BHMT: variants seen among roughly 807,000 people sequenced by gnomAD.
The protein encoded by BHMT is betaine--homocysteine S-methyltransferase, also known as betaine--homocysteine S-methyltransferase 1.
In BHMT, 38 loss-of-function variants were observed where a neutral mutation model predicts 49.5. The observed-to-expected ratio is 0.77, with a 90% CI of 0.59 to 1.01. The LOEUF is 1.01. Among genes scored for constraint, BHMT ranks in the 50% least tolerant of loss-of-function variants. The pLI, the probability that BHMT is intolerant of heterozygous loss-of-function variation, is 0.00. For synonymous variants in BHMT, 166 were observed against 176.3 expected (o/e 0.94, Z 0.46); for missense variants, 426 against 495.7 (o/e 0.86, Z 1.34).
intron 2 of BHMT, 170 bp downstream of exon 2, chr5:79,116,069 T>C: frequency 1.3e-6 from 1 of 771,228 alleles, no homozygotes; most frequent in Admixed American, 3.9e-5. Context: ...TTTTTAAAAA[T>C]TAGCTGGACA....
Position 79,126,423 on chromosome 5 carries a change from C to T in BHMT, c.808+195C>T, listed in dbSNP as rs1288592583. 3 of 556,110 alleles carry T rather than the reference C, an allele frequency of 5.4e-6. No homozygotes were observed. The African/African-American group carries it at 5.7e-5, about 11-fold the overall frequency. 34.4% of individuals were successfully genotyped at this position (556,110 alleles called of 1,614,324 possible). On this transcript the variant is annotated intron_variant, in intron 6 of 7. Coordinates refer to ENST00000274353, the MANE Select transcript of BHMT (RefSeq NM_001713.3). ...GAAGAGCAGAAGGAAAGGATGGTCC[C>T]AGCTAGCAAAAAAGATCTCTGAATT...
At chr5:79,121,879 G>A (rs1281725570) in intron 5 of BHMT, among the ~76,000 whole-genome samples, 2 of 151,292 alleles carry the variant, frequency 1.3e-5, no homozygotes, top group African/African-American at 4.9e-5. Context: ...AATGTTAATA[G>A]GGTTCTGTGG....
rs552467826 is a variant in BHMT, at chr5:79,126,011, C to T, written c.626-35C>T. Reference sequence around the variant, plus strand: ...GAGCTGGCCCTGCTGGTTTCTGGTGCATCCCTAAGTCTATCATGTTCTTCC... The same window carrying T: ...GAGCTGGCCCTGCTGGTTTCTGGTGTATCCCTAAGTCTATCATGTTCTTCC... On this transcript the variant is annotated intron_variant, in intron 5 of 7. Coordinates refer to ENST00000274353, the MANE Select transcript of BHMT (RefSeq NM_001713.3). 18 of 1,564,430 alleles carry T rather than the reference C, an allele frequency of 1.2e-5. No individual in the cohort carries two copies. In the South Asian group the frequency reaches 1.4e-4, roughly 12 times the overall value.
intron 3 of BHMT, 129 bp downstream of exon 3, chr5:79,119,506 G>A (rs544215086): frequency 9.1e-6 from 6 of 658,670 alleles, no homozygotes; most frequent in Admixed American, 3.0e-5. Context: ...AAAAATGAGA[G>A]GCGTGAATAA....
chr5:79,128,070 T>C (rs188817696), intron 7 of BHMT, 87 bp downstream of exon 7: 9 of 1,459,488 alleles, frequency 6.2e-6, no homozygotes, highest in Middle Eastern at 1.8e-4. Flanking sequence ...AAATTTGTTG[T>C]GTGATGATGA....
chr5:79,127,562 A>T (rs1756571016), intron 6 of BHMT, among the ~76,000 whole-genome samples, 193 bp from the exon 7 acceptor site: 1 of 152,160 alleles, frequency 6.6e-6, no homozygotes, highest in Non-Finnish European at 1.5e-5. Flanking sequence ...GTCATTTGGA[A>T]CCTCCTGAAG....
At position 79,121,287 on chromosome 5, in the gene BHMT, G is replaced by A. The variant is rs1410822136; in HGVS notation, c.547G>A (p.Ala183Thr). ...TLIASGKPVA[A>T]TMCIGPEGDL... is the part of the protein sequence containing the mutation. ...GATAGCATCCGGTAAACCTGTGGCA[G>A]CAACCATGTGCATTGGCCCAGAAGG... Residue 183 changes from alanine to threonine, a missense_variant, in exon 5 of 8, where the codon GCA becomes ACA. Ala to Thr is a moderately conservative substitution (Grantham distance 58). Around this residue, in one of 3 missense-constraint regions of BHMT, gnomAD observed 321 missense variants for 355.9 expected, o/e 0.90. Transcript: ENST00000274353. 1 of 1,614,126 alleles carries A rather than the reference G, an allele frequency of 6.2e-7. No individual in the cohort carries two copies. The highest frequency in any genetic ancestry group is 1.3e-5 in the African/African-American group (1 of 74,950).
rs535666974 is a variant in BHMT at position 79,115,829 on chromosome 5, A to C, written c.96A>C (p.Ala32=). 356 of 1,614,112 alleles carry C rather than the reference A, an allele frequency of 2.2e-4. 7 individuals are homozygous for C. The South Asian group carries it at 3.7e-3, about 17-fold the overall frequency. Residue 32 remains alanine (A), a synonymous_variant, in exon 2 of 8, where the codon GCA becomes GCC. Transcript: ENST00000274353. ...TTGGAGATGGAGGGTTTGTCTTTGC[A>C]CTGGAGAAGAGGGGCTACGTAAAGG... ...IVIGDGGFVF[A]LEKRGYVKAG...
Position 79,127,814 on chromosome 5 carries a change from A to C in BHMT, c.868A>C (p.Asn290His), listed in dbSNP as rs10037809. ...TCAAAAATACGCCAGAGAGGCCTAC[A>C]ACCTGGGGGTCAGGTACATTGGCGG... Reference protein sequence around the residue: ...DIQKYAREAYNLGVRYIGGCC... With the variant: ...DIQKYAREAYHLGVRYIGGCC... Residue 290 changes from asparagine (N) to histidine (H), a missense_variant, in exon 7 of 8, where the codon AAC becomes CAC. By Grantham distance (68) the Asn-to-His change is moderately conservative. This residue lies in a region of BHMT where 321 missense variants were observed against 355.9 expected (regional missense o/e 0.90). Coordinates refer to ENST00000274353, the MANE Select transcript of BHMT (RefSeq NM_001713.3). The C allele has an allele frequency of 1.2e-6, 2 of 1,614,178 alleles. No homozygotes were observed. The highest frequency in any genetic ancestry group is 1.7e-5 in the Admixed American group (1 of 60,016).
chr5:79,127,798 C>A lies in BHMT; in HGVS notation c.852C>A (p.Tyr284Ter). Residue 284 changes from tyrosine (Y) to a stop codon, truncating the protein, a stop_gained, in exon 7 of 8, where the codon TAC becomes TAA. Coordinates refer to ENST00000274353, the MANE Select transcript of BHMT (RefSeq NM_001713.3). LOFTEE classifies it high-confidence loss of function. ...CCACCAGATGGGATATTCAAAAATA[C>A]GCCAGAGAGGCCTACAACCTGGGGG... ...RVATRWDIQK[Y>*]AREAYNLGVR... 1 of 1,614,032 alleles carries A rather than the reference C, an allele frequency of 6.2e-7. No homozygotes were observed. Among genetic ancestry groups the A allele is most frequent in the Non-Finnish European group, 8.5e-7 (1 of 1,179,956 alleles).
Position 79,115,809 on chromosome 5 carries a change from G to A in BHMT, c.76G>A (p.Asp26Asn), listed in dbSNP as rs376343021. 5 of 1,613,874 alleles carry A rather than the reference G, an allele frequency of 3.1e-6. No individual in the cohort carries two copies. In the African/African-American group the frequency reaches 4.0e-5, roughly 13 times the overall value. ...RLNAGEIVIG[D>N]GGFVFALEKR... Reference sequence around the variant, plus strand: ...AAATGCTGGAGAGATTGTGATTGGAGATGGAGGGTTTGTCTTTGCACTGGA... The same window carrying A: ...AAATGCTGGAGAGATTGTGATTGGAAATGGAGGGTTTGTCTTTGCACTGGA... Residue 26 changes from aspartate (D) to asparagine (N), a missense_variant, in exon 2 of 8, where the codon GAT becomes AAT. Asp to Asn is a conservative substitution (Grantham distance 23). Around this residue, in one of 3 missense-constraint regions of BHMT, gnomAD observed 321 missense variants for 355.9 expected, o/e 0.90. Coordinates refer to ENST00000274353, the MANE Select transcript of BHMT (RefSeq NM_001713.3).
rs376539128 is a variant in BHMT, at chr5:79,130,965, T to C, written c.1070T>C (p.Ile357Thr). ...ARKEYWENLR[I>T]ASGRPYNPSM... is the part of the protein sequence containing the mutation. Reference sequence around the variant, plus strand: ...AAGGAATACTGGGAGAATCTTCGGATAGCCTCAGGCCGGCCATACAACCCT... The same window carrying C: ...AAGGAATACTGGGAGAATCTTCGGACAGCCTCAGGCCGGCCATACAACCCT... The change falls in exon 8 of 8, where the codon ATA (isoleucine) becomes ACA (threonine). Residue 357 changes from isoleucine to threonine, a missense_variant. Around this residue, in one of 3 missense-constraint regions of BHMT, gnomAD observed 73 missense variants for 68.3 expected, o/e 1.07. Transcript: ENST00000274353. The C allele has an allele frequency of 4.3e-6, 7 of 1,613,018 alleles. No homozygotes were observed. Among genetic ancestry groups the C allele is most frequent in the Non-Finnish European group, 5.9e-6 (7 of 1,179,626 alleles).
chr5:79,121,801 C>T (rs1173904429), intron 5 of BHMT, among the ~76,000 whole-genome samples: 3 of 124,586 alleles, frequency 2.4e-5, no homozygotes, highest in Non-Finnish European at 4.8e-5. Flanking sequence ...GGCGAAAGAG[C>T]GAGATTCCGT....
intron 3 of BHMT, chr5:79,119,637 GTAAAT>G (rs773754654): frequency 2.3e-4 from 69 of 301,314 alleles, no homozygotes; most frequent in Admixed American, 8.9e-4. Context: ...AAGTTGCTGA[GTAAAT>G]TGGGCAACCT....
chr5:79,119,511 G>A (rs1430063079), intron 3 of BHMT, 134 bp downstream of exon 3: 5 of 625,326 alleles, frequency 8.0e-6, no homozygotes, highest in Non-Finnish European at 1.3e-5. Context: ...TGAGAGGCGT[G>A]AATAACAACC....
intron 2 of BHMT, 130 bp from the exon 3 acceptor site, chr5:79,119,129 C>G: frequency 1.4e-6 from 1 of 711,500 alleles, no homozygotes; most frequent in South Asian, 1.8e-5. Flanking sequence ...CTCATCTACC[C>G]CTAAGATGTG....
At chr5:79,128,428 G>T (rs1318839598) in intron 7 of BHMT, among the ~76,000 whole-genome samples, 1 of 150,494 alleles carries the variant, frequency 6.6e-6, no homozygotes, top group Non-Finnish European at 1.5e-5. Flanking sequence ...TACTTGGGAG[G>T]CTGAGGCACA....
rs1393659717 is a variant in BHMT, at chr5:79,132,255, T to G, written c.*1139T>G. 1 of 152,226 alleles carries G rather than the reference T, an allele frequency of 6.6e-6. No homozygotes were observed. The highest frequency in any genetic ancestry group is 2.4e-5 in the African/African-American group (1 of 41,448). The allele number at this position is 152,226 out of a possible 1,614,324, so 9.4% of individuals were successfully genotyped here. A position where few individuals can be genotyped will look rare whatever the true frequency, so the allele number is the denominator to read the frequency against. ...TTGAGCTGTTTTGAAATTGTAATTC[T>G]TTTCAGCTATTAAAAAGAAGAGCAA... On this transcript the variant is annotated 3_prime_UTR_variant, in exon 8 of 8. Transcript: ENST00000274353.
rs1756430217 is a variant in BHMT, at chr5:79,119,288, G to A, written c.196G>A (p.Ala66Thr). 1 of 1,613,534 alleles carries A rather than the reference G, an allele frequency of 6.2e-7. No individual in the cohort carries two copies. Among genetic ancestry groups the A allele is most frequent in the Admixed American group, 1.7e-5 (1 of 59,804 alleles). The change falls in exon 3 of 8, where the codon GCT becomes ACT. Residue 66 changes from alanine to threonine, a missense_variant. Around this residue, in one of 3 missense-constraint regions of BHMT, gnomAD observed 321 missense variants for 355.9 expected, o/e 0.90. Transcript: ENST00000274353. ...CCAGCTTCATCGAGAGTTCCTCAGA[G>A]CTGGCTCAAACGTCATGCAGACCTT... ...VRQLHREFLRAGSNVMQTFTF... is the reference protein window; with the variant it reads ...VRQLHREFLRTGSNVMQTFTF...
Sources: gnomAD v4.1 joint callset for allele counts (sites outside exome capture counted in the v4.1 genomes callset) on GRCh38, gnomAD v4.1.1 for gene constraint, gnomAD v4.1.1 regional missense constraint, MANE v1.5 for transcripts, NCBI Gene and HGNC (gene_info 2026-07-23, HGNC 2026-07-21) for gene names.